Variants in PCDH7 observed in about 807,000 individuals in gnomAD.
PCDH7 encodes protocadherin-7.
PCDH7 carries 17 observed loss-of-function variants against 58.9 expected under a neutral mutation model. That is an observed-to-expected ratio of 0.29 (90% CI 0.20 to 0.43). PCDH7 has a LOEUF of 0.43. Ranked by LOEUF, PCDH7 falls within the 20% of genes least tolerant of loss-of-function variation. The pLI, the probability that PCDH7 is intolerant of heterozygous loss-of-function variation, is 1.00. For missense variants in PCDH7, 1,274 were observed against 1,441.0 expected, an observed-to-expected ratio of 0.88 and a Z score of 1.88; for synonymous variants, 664 against 616.4, an observed-to-expected ratio of 1.08 and a Z score of -1.14.
At chr4:31,081,804 ACT>A (rs1421428257) in intron 3 of PCDH7, among the ~76,000 whole-genome samples, 1 of 147,068 alleles carries the variant, frequency 6.8e-6, no homozygotes, top group Non-Finnish European at 1.5e-5. Context: ...ATACAGTCTC[ACT>A]CTGTCACCCA....
At chr4:31,039,427 C>A (rs900143260) in intron 3 of PCDH7, among the ~76,000 whole-genome samples, 1 of 152,078 alleles carries the variant, frequency 6.6e-6, no homozygotes, top group African/African-American at 2.4e-5. Flanking sequence ...GCTATGTTGC[C>A]CAGGCTGGAG....
intron 1 of PCDH7, among the ~76,000 whole-genome samples, chr4:30,894,634 T>C (rs1739168879): frequency 7.1e-6 from 1 of 140,100 alleles, no homozygotes. Context: ...GTTTATAAAT[T>C]CATAGTTTAA....
chr4:30,975,143 T>TTGTGTG (rs35675648), intron 3 of PCDH7, among the ~76,000 whole-genome samples: 12,535 of 138,668 alleles, frequency 0.09, 666 homozygotes, highest in Middle Eastern at 0.13. Context: ...TTCCCTTTCA[T>TTGTGTG]TGTGTGTGTG....
chr4:30,839,070 T>C (rs957565703), intron 1 of PCDH7, among the ~76,000 whole-genome samples: 1 of 151,938 alleles, frequency 6.6e-6, no homozygotes, highest in South Asian at 2.1e-4. Flanking sequence ...ATATTGTTTC[T>C]CCAATTAATA....
At chr4:30,730,678 G>A in intron 1 of PCDH7, 1 of 1,054,540 alleles carries the variant, frequency 9.5e-7, no homozygotes, top group South Asian at 1.5e-5. Context: ...CTTTCCAATT[G>A]GGCATAAGAC....
intron 3 of PCDH7, among the ~76,000 whole-genome samples, chr4:31,105,063 C>T (rs1167101199): frequency 1.3e-5 from 2 of 152,090 alleles, no homozygotes; most frequent in Non-Finnish European, 2.9e-5. Context: ...CAAAGGATGG[C>T]GCCTACCTTC....
intron 1 of PCDH7, among the ~76,000 whole-genome samples, chr4:30,760,039 C>T (rs1439764267): frequency 6.6e-6 from 1 of 151,844 alleles, no homozygotes; most frequent in East Asian, 1.9e-4. Flanking sequence ...GAAACATAAA[C>T]ACATATGAAA....
At chr4:30,868,060 G>A (rs891208712) in intron 1 of PCDH7, among the ~76,000 whole-genome samples, 2 of 151,946 alleles carry the variant, frequency 1.3e-5, no homozygotes, top group African/African-American at 2.4e-5. Context: ...TATAAAATCC[G>A]TCATTTTCAC....
chr4:30,904,104 A>G (rs1265974509), intron 1 of PCDH7, among the ~76,000 whole-genome samples: 1 of 152,166 alleles, frequency 6.6e-6, no homozygotes, highest in Non-Finnish European at 1.5e-5. Flanking sequence ...ACCCAAGCCC[A>G]ACTCTGTCAC....
rs780902871 is a variant in PCDH7, at chr4:30,721,597, A to G, written c.175A>G (p.Thr59Ala). ...CGTGGCTTCAGACCTGGGCATCGTG[A>G]CCGGATCGGGTGAGGTGACTTTCAG... The change falls in exon 1 of 2, where the codon ACC (threonine) becomes GCC (alanine). Residue 59 changes from threonine to alanine, a missense_variant. By Grantham distance (58) the Thr-to-Ala change is moderately conservative (BLOSUM62 0). Transcript: ENST00000361762. The surrounding 1 kb of genome is among the most constrained non-coding windows in gnomAD (Gnocchi z 6.7). 1 of 1,611,340 alleles carries G rather than the reference A, an allele frequency of 6.2e-7. No individual in the cohort carries two copies. The highest frequency in any genetic ancestry group is 8.5e-7 in the Non-Finnish European group (1 of 1,179,882).
At chr4:30,990,179 T>C (rs1295612072) in intron 3 of PCDH7, among the ~76,000 whole-genome samples, 1 of 152,022 alleles carries the variant, frequency 6.6e-6, no homozygotes, top group East Asian at 1.9e-4. Flanking sequence ...TTTTTCTTTA[T>C]AAAATTTAAA....
intron 3 of PCDH7, among the ~76,000 whole-genome samples, chr4:31,099,254 TGTGTTGTAG>T (rs1714585014): frequency 6.6e-6 from 1 of 152,180 alleles, no homozygotes; most frequent in Non-Finnish European, 1.5e-5. Flanking sequence ...CACTGTGCCC[TGTGTTGTAG>T]GTCTTGAGTT....
intron 1 of PCDH7, among the ~76,000 whole-genome samples, chr4:30,773,506 T>G (rs1210489658): frequency 3.3e-5 from 5 of 152,094 alleles, no homozygotes; most frequent in Non-Finnish European, 7.4e-5. Context: ...TCTTTTTCTT[T>G]TTTGGGAATG....
In PCDH7 at chr4:30,843,061, CT is replaced by C. The variant is rs368453238; in HGVS notation, c.71-77076del. ...TCAATGTTATTGAATAAACAAATGA[CT>C]TTTTTTTTTTTTTTTATAATTTGAG... On this transcript the variant is annotated intron_variant, in intron 1 of 3. Coordinates refer to the PCDH7 transcript ENST00000509759. 7.5e-3 allele frequency among the ~76,000 whole-genome samples: 1,027 copies of C among 136,892 alleles called. 1 individual carries two copies. Among genetic ancestry groups the C allele is most frequent in the South Asian group, 0.02 (85 of 4,202 alleles). 89.8% of individuals were successfully genotyped at this position (136,892 alleles called of 152,430 possible). A position where few individuals can be genotyped will look rare whatever the true frequency, so the allele number is the denominator to read the frequency against.
chr4:30,928,297 G>T (rs988329938), intron 2 of PCDH7, among the ~76,000 whole-genome samples: 12 of 152,116 alleles, frequency 7.9e-5, no homozygotes, highest in Admixed American at 2.0e-4. Context: ...CCTCTTCTAA[G>T]GTAAAATACT....
chr4:31,133,338 T>G (rs1251348117), intron 3 of PCDH7, among the ~76,000 whole-genome samples: 1 of 152,208 alleles, frequency 6.6e-6, no homozygotes, highest in Non-Finnish European at 1.5e-5. Context: ...AACAAATTAT[T>G]AAAGTATATA....
chr4:30,879,418 C>T (rs4352435), intron 1 of PCDH7, among the ~76,000 whole-genome samples: 61,660 of 151,812 alleles, frequency 0.41, 12,742 homozygotes, highest in African/African-American at 0.45. Context: ...ATTTTAGAAC[C>T]GTGATCACAC....
chr4:30,822,723 G>T (rs528556161), intron 1 of PCDH7, among the ~76,000 whole-genome samples: 5 of 152,002 alleles, frequency 3.3e-5, no homozygotes, highest in African/African-American at 9.7e-5. Context: ...GAATGCAACT[G>T]TGGGGAGTGC....
intron 1 of PCDH7, among the ~76,000 whole-genome samples, chr4:30,866,192 G>T (rs1420202965): frequency 1.3e-5 from 2 of 151,866 alleles, no homozygotes; most frequent in African/African-American, 2.4e-5. Flanking sequence ...TAAAAAAGCT[G>T]GTTCTATATC....
Sources: gnomAD v4.1 joint callset for allele counts (sites outside exome capture counted in the v4.1 genomes callset) on GRCh38, gnomAD v4.1.1 for gene constraint, Gnocchi (gnomAD v3.1) non-coding constraint, MANE v1.5 for transcripts, NCBI Gene and HGNC (gene_info 2026-07-23, HGNC 2026-07-21) for gene names.